The following CEMIP variants were observed in gnomAD, a reference collection of about 807,000 sequenced individuals.
CEMIP encodes the protein cell migration inducing hyaluronidase 1, also known as cell migration-inducing and hyaluronan-binding protein.
Under a neutral mutation model 156.9 loss-of-function variants are expected in CEMIP, and 105 were observed. The ratio of observed to expected loss-of-function variants is 0.67; its 90% confidence interval spans 0.57 to 0.79. CEMIP has a LOEUF of 0.79. Ranked by LOEUF, CEMIP falls within the 30% of genes least tolerant of loss-of-function variation. The pLI is 0.00. For synonymous variants in CEMIP, 676 were observed against 668.4 expected, an observed-to-expected ratio of 1.01 and a Z score of -0.17; for missense variants, 1,457 against 1,769.4, an observed-to-expected ratio of 0.82 and a Z score of 3.17.
At chr15:80,852,328 G>A (rs1248520923) in intron 1 of CEMIP, among the ~76,000 whole-genome samples, 1 of 152,084 alleles carries the variant, frequency 6.6e-6, no homozygotes, top group Non-Finnish European at 1.5e-5. Flanking sequence ...GAAGGCCCTT[G>A]AAGTGTAACA....
intron 1 of CEMIP, among the ~76,000 whole-genome samples, chr15:80,834,598 G>T (rs1466126201): frequency 6.6e-6 from 1 of 152,208 alleles, no homozygotes; most frequent in Non-Finnish European, 1.5e-5. Flanking sequence ...AATCCGTGTG[G>T]CTGTCTTTTA....
chr15:80,882,014 A>T (rs910103702), intron 6 of CEMIP, among the ~76,000 whole-genome samples: 2 of 152,132 alleles, frequency 1.3e-5, no homozygotes, highest in Non-Finnish European at 2.9e-5. Context: ...AGAGGGAAGG[A>T]CAGAGGTGGG....
At chr15:80,942,412 C>A in intron 27 of CEMIP, 75 bp downstream of exon 27, 1 of 1,232,474 alleles carries the variant, frequency 8.1e-7, no homozygotes, top group Non-Finnish European at 1.2e-6. Flanking sequence ...GCTGCTGGCA[C>A]AAATTACTGC....
intron 1 of CEMIP, among the ~76,000 whole-genome samples, chr15:80,784,096 G>T (rs990620741): frequency 6.6e-6 from 1 of 152,188 alleles, no homozygotes; most frequent in African/African-American, 2.4e-5. Flanking sequence ...GGACAGCCTG[G>T]CTCCTTGCAC....
chr15:80,791,072 A>G (rs1352247095), intron 1 of CEMIP, among the ~76,000 whole-genome samples: 1 of 152,122 alleles, frequency 6.6e-6, no homozygotes, highest in Non-Finnish European at 1.5e-5. Flanking sequence ...ATGGAGGGTT[A>G]AGAAGGAAGG....
At chr15:80,792,722 G>A (rs1434327887) in intron 1 of CEMIP, among the ~76,000 whole-genome samples, 1 of 152,160 alleles carries the variant, frequency 6.6e-6, no homozygotes, top group Non-Finnish European at 1.5e-5. Context: ...CAAGCTATGG[G>A]CAGTAGCTGG....
In CEMIP at chr15:80,888,797, G is replaced by T. The variant is rs201258656; in HGVS notation, c.964+1G>T. 14 of 1,613,372 alleles carry T rather than the reference G, an allele frequency of 8.7e-6. No individual in the cohort carries two copies. The highest frequency in any genetic ancestry group is 1.2e-5 in the Non-Finnish European group (14 of 1,179,426). ...TCTTTGTCCAGTGAGTGGGTTCAAG[G>T]TGAGGAGTTTCAGACAATTTGGTGA... On this transcript the variant is annotated splice_donor_variant, in intron 9 of 29. Transcript: ENST00000394685. LOFTEE classifies it high-confidence loss of function.
intron 6 of CEMIP, 87 bp downstream of exon 6, chr15:80,881,223 G>A: frequency 2.6e-6 from 3 of 1,170,418 alleles, no homozygotes; most frequent in Non-Finnish European, 3.9e-6. Flanking sequence ...CGCTCTAGGT[G>A]CTGGGAGAAC....
chr15:80,911,938 T>C (rs1900077333), intron 14 of CEMIP, among the ~76,000 whole-genome samples: 1 of 115,654 alleles, frequency 8.6e-6, no homozygotes. Flanking sequence ...CTGGGAGAGC[T>C]GACAGAGGCT....
At chr15:80,891,536 C>T (rs1899032446) in intron 10 of CEMIP, among the ~76,000 whole-genome samples, 1 of 152,220 alleles carries the variant, frequency 6.6e-6, no homozygotes, top group African/African-American at 2.4e-5. Flanking sequence ...GAAGATTCAA[C>T]AGCAGTGTGG....
chr15:80,898,131 A>G (rs1899308074), intron 12 of CEMIP, among the ~76,000 whole-genome samples: 1 of 152,248 alleles, frequency 6.6e-6, no homozygotes, highest in African/African-American at 2.4e-5. Context: ...GACGTTTTGA[A>G]GAAGACATTT....
intron 13 of CEMIP, among the ~76,000 whole-genome samples, chr15:80,908,132 G>A (rs1042418036): frequency 6.6e-6 from 1 of 152,222 alleles, no homozygotes; most frequent in Admixed American, 6.5e-5. Context: ...TGGGTATAGG[G>A]TGGGGCAGAG....
intron 10 of CEMIP, among the ~76,000 whole-genome samples, chr15:80,892,307 G>C (rs539388207): frequency 6.6e-6 from 1 of 152,280 alleles, no homozygotes; most frequent in Admixed American, 6.5e-5. Flanking sequence ...CTGCACAGTT[G>C]ACCTTAAGAA....
intron 14 of CEMIP, among the ~76,000 whole-genome samples, chr15:80,912,407 G>C (rs1044733628): frequency 2.0e-5 from 3 of 152,146 alleles, no homozygotes; most frequent in Admixed American, 2.0e-4. Context: ...CAAACTGGGA[G>C]GGCCATTGTA....
At chr15:80,788,416 A>G (rs1895995117) in intron 1 of CEMIP, among the ~76,000 whole-genome samples, 1 of 150,216 alleles carries the variant, frequency 6.7e-6, no homozygotes, top group Non-Finnish European at 1.5e-5. Flanking sequence ...AGTTGCAGTG[A>G]GCTGAGATTG....
At chr15:80,851,196 C>T (rs1445806754) in intron 1 of CEMIP, among the ~76,000 whole-genome samples, 1 of 152,160 alleles carries the variant, frequency 6.6e-6, no homozygotes, top group Non-Finnish European at 1.5e-5. Flanking sequence ...GGGAGGCAGG[C>T]AGACAATCCT....
At chr15:80,936,145 C>T (rs759091060) in intron 23 of CEMIP, among the ~76,000 whole-genome samples, 1 of 152,198 alleles carries the variant, frequency 6.6e-6, no homozygotes, top group East Asian at 1.9e-4. Context: ...AATGAGGCAC[C>T]ATTTATTCAT....
chr15:80,801,199 G>A (rs1896367235), intron 1 of CEMIP, among the ~76,000 whole-genome samples: 1 of 152,186 alleles, frequency 6.6e-6, no homozygotes, highest in Admixed American at 6.5e-5. Context: ...CCACCCCCAA[G>A]GCAGTGGCTT....
In CEMIP at chr15:80,925,709, C is replaced by A; in HGVS notation, c.2374C>A (p.His792Asn). The A allele has an allele frequency of 6.2e-7, 1 of 1,613,762 alleles. No individual in the cohort carries two copies. Among genetic ancestry groups the A allele is most frequent in the Non-Finnish European group, 8.5e-7 (1 of 1,179,992 alleles). ...RHFIAYKNQDHGAWLRGGDVW... is the reference protein window; with the variant it reads ...RHFIAYKNQDNGAWLRGGDVW... ...CTTCATTGCCTACAAGAACCAGGAC[C>A]ACGGGGCCTGGCTGCGCGGCGGGGA... The change falls in exon 19 of 30, where the codon CAC becomes AAC. Residue 792 changes from histidine to asparagine, a missense_variant. Physicochemically the swap from His to Asn is moderately conservative, Grantham distance 68 (BLOSUM62 1). Coordinates refer to ENST00000394685, the MANE Select transcript of CEMIP (RefSeq NM_001293298.2).
Sources: gnomAD v4.1 joint callset for allele counts (sites outside exome capture counted in the v4.1 genomes callset) on GRCh38, gnomAD v4.1.1 for gene constraint, MANE v1.5 for transcripts, NCBI Gene and HGNC (gene_info 2026-07-23, HGNC 2026-07-21) for gene names.